Variants in RIMS1 observed in about 807,000 individuals in gnomAD.
RIMS1 encodes regulating synaptic membrane exocytosis protein 1.
A neutral mutation model predicts 214.1 loss-of-function variants in RIMS1; 83 were observed. The observed-to-expected ratio is 0.39, with a 90% CI of 0.32 to 0.47. RIMS1 has a LOEUF of 0.47. Among genes scored for constraint, RIMS1 ranks in the 20% least tolerant of loss-of-function variants. The pLI is 0.99. For synonymous variants in RIMS1, 793 were observed against 786.8 expected, an observed-to-expected ratio of 1.01 and a Z score of -0.13; for missense variants, 2,050 against 2,161.8, an observed-to-expected ratio of 0.95 and a Z score of 1.03.
chr6:72,026,731 A>T (rs1013386907), intron 2 of RIMS1, among the ~76,000 whole-genome samples: 4 of 152,074 alleles, frequency 2.6e-5, no homozygotes, highest in Admixed American at 1.3e-4. Flanking sequence ...ACAACCCCTC[A>T]AAAAATTAAA....
At chr6:71,934,216 T>G (rs1783889415) in intron 1 of RIMS1, among the ~76,000 whole-genome samples, 1 of 152,214 alleles carries the variant, frequency 6.6e-6, no homozygotes, top group African/African-American at 2.4e-5. Flanking sequence ...GGTATTTGCT[T>G]CAGCAAATCA....
At chr6:72,145,391 G>A (rs2042605627) in intron 4 of RIMS1, among the ~76,000 whole-genome samples, 1 of 152,096 alleles carries the variant, frequency 6.6e-6, no homozygotes, top group African/African-American at 2.4e-5. Flanking sequence ...GAGGCAGGTG[G>A]TCCACAAGGC....
intron 28 of RIMS1, among the ~76,000 whole-genome samples, chr6:72,320,428 T>C (rs1261978739): frequency 6.6e-6 from 1 of 152,104 alleles, no homozygotes; most frequent in Non-Finnish European, 1.5e-5. Context: ...TAAAAACATA[T>C]TGTAAACCAA....
At chr6:72,245,925 T>C in intron 11 of RIMS1, 64 bp downstream of exon 11, 1 of 1,169,358 alleles carries the variant, frequency 8.6e-7, no homozygotes, top group Non-Finnish European at 1.3e-6. Context: ...AGATTTCTAA[T>C]TTTCTTTAGT....
chr6:72,313,863 AC>A (rs934204351), intron 28 of RIMS1, among the ~76,000 whole-genome samples, 191 bp downstream of exon 28: 1 of 152,228 alleles, frequency 6.6e-6, no homozygotes, highest in African/African-American at 2.4e-5. Flanking sequence ...AACCCTAGTC[AC>A]AATTTTAGAG....
intron 4 of RIMS1, among the ~76,000 whole-genome samples, chr6:72,107,078 G>C (rs1233288258): frequency 2.0e-5 from 3 of 152,202 alleles, no homozygotes; most frequent in Non-Finnish European, 2.9e-5. Flanking sequence ...CCTCCATGCA[G>C]AGTGCTCCCT....
intron 2 of RIMS1, among the ~76,000 whole-genome samples, chr6:72,093,232 A>C: frequency 7.3e-6 from 1 of 136,456 alleles, no homozygotes; most frequent in South Asian, 2.4e-4. Context: ...ATATATAAAA[A>C]CATGTGTGTA....
intron 2 of RIMS1, among the ~76,000 whole-genome samples, chr6:72,015,774 A>C (rs1812529008): frequency 6.6e-6 from 1 of 152,070 alleles, no homozygotes; most frequent in African/African-American, 2.4e-5. Context: ...AAAATACAAA[A>C]AATTAGCCGG....
chr6:72,359,211 G>T (rs1046574704), intron 29 of RIMS1, among the ~76,000 whole-genome samples: 3 of 152,160 alleles, frequency 2.0e-5, no homozygotes, highest in Admixed American at 2.0e-4. Flanking sequence ...CTGCAAGATG[G>T]TGGATCCTTG....
chr6:72,056,242 C>G (rs1826139335), intron 2 of RIMS1, among the ~76,000 whole-genome samples: 1 of 152,026 alleles, frequency 6.6e-6, no homozygotes, highest in African/African-American at 2.4e-5. Flanking sequence ...AAGAGAATGA[C>G]AGACACCAGG....
At chr6:72,197,684 T>A (rs1321858445) in intron 6 of RIMS1, among the ~76,000 whole-genome samples, 3 of 152,020 alleles carry the variant, frequency 2.0e-5, no homozygotes, top group Non-Finnish European at 4.4e-5. Flanking sequence ...GTATGGTATC[T>A]GGGCAATTCT....
intron 4 of RIMS1, among the ~76,000 whole-genome samples, chr6:72,149,904 G>A (rs1357300386): frequency 1.3e-5 from 2 of 152,156 alleles, no homozygotes; most frequent in Non-Finnish European, 2.9e-5. Context: ...CAGGGGATCC[G>A]TGCTCAGCCT....
chr6:72,177,943 C>T (rs1008597912), intron 4 of RIMS1, among the ~76,000 whole-genome samples: 2 of 152,184 alleles, frequency 1.3e-5, no homozygotes, highest in African/African-American at 4.8e-5. Context: ...TTGGCTAGCA[C>T]TTAAATTGAA....
In RIMS1 at chr6:72,292,771, CAT is replaced by C. The variant is rs542732009; in HGVS notation, c.3850+726_3850+727del. Among the ~76,000 whole-genome samples, 362 of 152,182 alleles carry C rather than the reference CAT, an allele frequency of 2.4e-3. 2 individuals are homozygous for C. Among genetic ancestry groups the C allele is most frequent in the South Asian group, 0.012 (59 of 4,826 alleles). ...GACTTGTTATCATTATTTTTTATCA[CAT>C]GTTTTTAATCAGGAATTTGGTAAGC... On this transcript the variant is annotated intron_variant, in intron 26 of 33. Transcript: ENST00000521978.
At chr6:72,007,315 C>T (rs1808161741) in intron 2 of RIMS1, among the ~76,000 whole-genome samples, 1 of 152,138 alleles carries the variant, frequency 6.6e-6, no homozygotes, top group African/African-American at 2.4e-5. Flanking sequence ...ACACCAAAAT[C>T]CCATCTGTAC....
intron 18 of RIMS1, 25 bp from the exon 19 acceptor site, chr6:72,260,680 C>T: frequency 6.2e-7 from 1 of 1,611,072 alleles, no homozygotes; most frequent in South Asian, 1.1e-5. Flanking sequence ...ATCTGTTTCA[C>T]TCACCACCCA....
chr6:72,255,018 A>G (rs973768932), intron 16 of RIMS1, among the ~76,000 whole-genome samples: 2 of 90,174 alleles, frequency 2.2e-5, no homozygotes. Context: ...TGTTTCAAAG[A>G]TCTCCTCATA....
At position 72,097,155 on chromosome 6, in the gene RIMS1, C is replaced by A; in HGVS notation, c.452C>A (p.Ser151Ter). The A allele has an allele frequency of 1.2e-6, 2 of 1,613,556 alleles. No homozygotes were observed. The highest frequency in any genetic ancestry group is 2.2e-5 in the South Asian group (2 of 91,014). ...TGCGGAGGCCGCGTGTCTCTACGGT[C>A]AAACAACGTGAGTATTCCATGAACA... Reference protein sequence around the residue: ...ARCGGRVSLRSNNEDKVVMWV... With the variant: ...ARCGGRVSLR The change falls in exon 3 of 34, where the codon TCA becomes TAA. Residue 151 changes from serine (S) to a stop codon, truncating the protein, a stop_gained. Transcript: ENST00000521978. LOFTEE classifies it high-confidence loss of function.
At chr6:72,143,652 A>G (rs2042350764) in intron 4 of RIMS1, among the ~76,000 whole-genome samples, 1 of 152,198 alleles carries the variant, frequency 6.6e-6, no homozygotes, top group South Asian at 2.1e-4. Context: ...CCAGCCTTCT[A>G]TCACGCTGTG....
Sources: gnomAD v4.1 joint callset for allele counts (sites outside exome capture counted in the v4.1 genomes callset) on GRCh38, gnomAD v4.1.1 for gene constraint, MANE v1.5 for transcripts, NCBI Gene and HGNC (gene_info 2026-07-23, HGNC 2026-07-21) for gene names.